The following COL24A1 variants were observed in gnomAD, a reference collection of about 807,000 sequenced individuals.
The protein encoded by COL24A1 is collagen alpha-1(XXIV) chain.
COL24A1 carries 224 observed loss-of-function variants against 253.9 expected under a neutral mutation model. The ratio of observed to expected loss-of-function variants is 0.88; its 90% CI spans 0.79 to 0.99. The LOEUF is 0.99. Ranked by LOEUF, COL24A1 falls within the 50% of genes least tolerant of loss-of-function variation. COL24A1 has a pLI of 0.00. For missense variants in COL24A1, 2,131 were observed against 2,068.5 expected (o/e 1.03, Z -0.59); for synonymous variants, 685 against 673.7 (o/e 1.02, Z -0.26).
chr1:85,767,191 A>T lies in COL24A1; in HGVS notation c.4375-5625T>A, dbSNP rs528853272. ...GATTCTGATCTTTGTGCAAAGACTT[A>T]AGTCTCTTACTTGTCTCAATACAAT... On this transcript the variant is annotated intron_variant, in intron 53 of 59. Transcript: ENST00000370571. Among the ~76,000 whole-genome samples, 4 of 152,196 alleles carry T rather than the reference A, an allele frequency of 2.6e-5. No individual in the cohort carries two copies. The South Asian group carries it at 8.3e-4, about 32-fold the overall frequency.
intron 24 of COL24A1, among the ~76,000 whole-genome samples, chr1:85,946,018 C>A (rs998780193): frequency 4.6e-5 from 7 of 152,138 alleles, no homozygotes; most frequent in South Asian, 4.1e-4. Context: ...CAGTTCCCAG[C>A]ATTTCCAAAA....
At chr1:85,782,595 G>A (rs1669250747) in intron 51 of COL24A1, among the ~76,000 whole-genome samples, 1 of 152,144 alleles carries the variant, frequency 6.6e-6, no homozygotes, top group African/African-American at 2.4e-5. Context: ...CTATTGCAAG[G>A]ACAAAAAACC....
In COL24A1 at chr1:85,922,360, C is replaced by A. The variant is rs948210672; in HGVS notation, c.2563-10927G>T. On this transcript the variant is annotated intron_variant, in intron 24 of 59. Transcript: ENST00000370571. ...TTGAGAAGAGCAACTCCAAGACACA[C>A]AATTGTCAGATTCACCAAGGTTGAA... Among the ~76,000 whole-genome samples, 4 of 152,152 alleles carry A rather than the reference C, an allele frequency of 2.6e-5. No homozygotes were observed. The East Asian group carries it at 7.7e-4, about 29-fold the overall frequency.
In COL24A1 at chr1:86,022,970, C is replaced by T. The variant is rs754586760; in HGVS notation, c.2087G>A (p.Gly696Glu). ...VGPVGPIGPA[G>E]IPGPMGLSGN... ...GAACCATACCATTGGGCCAGGAATT[C>T]CAGCAGGTCCAATTGGTCCCACAGG... The change falls in exon 15 of 60, where the codon GGA becomes GAA. Residue 696 changes from glycine to glutamate, a missense_variant. Transcript: ENST00000370571. The T allele has an allele frequency of 6.2e-7, 1 of 1,613,168 alleles. No homozygotes were observed. Among genetic ancestry groups the T allele is most frequent in the East Asian group, 2.2e-5 (1 of 44,792 alleles).
chr1:86,065,757 A>T (rs1316528050), intron 7 of COL24A1, among the ~76,000 whole-genome samples: 1 of 43,858 alleles, frequency 2.3e-5, no homozygotes, highest in Non-Finnish European at 3.6e-5. Context: ...AGCAACCTCT[A>T]AAAAAAAAAA....
At position 85,737,410 on chromosome 1, in the gene COL24A1, CAGG is replaced by C; in HGVS notation, c.4765_4767del (p.Pro1589del). ...CAGTAACATACCTTTGTTACAGAAA[CAGG>C]AGGTAAGCATGTCTGGCCACCAGCA... On this transcript the variant is annotated inframe_deletion, in exon 58 of 60. Transcript: ENST00000370571. The C allele has an allele frequency of 6.2e-7, 1 of 1,610,794 alleles. No homozygotes were observed. Among genetic ancestry groups the C allele is most frequent in the Non-Finnish European group, 8.5e-7 (1 of 1,177,848 alleles).
intron 47 of COL24A1, among the ~76,000 whole-genome samples, chr1:85,815,316 ATGGAAGCCCAG>A (rs532618211): frequency 2.8e-4 from 42 of 152,352 alleles, no homozygotes; most frequent in African/African-American, 8.4e-4. Flanking sequence ...TAGCATGAAG[ATGGAAGCCCAG>A]TGCATGAGCT....
chr1:85,977,461 T>G lies in COL24A1; in HGVS notation c.2365-6068A>C, dbSNP rs139030781. On this transcript the variant is annotated intron_variant, in intron 20 of 59. Transcript: ENST00000370571. ...AAGGTGAAAACCAACTTAAAGAAAT[T>G]TAAAAAAACAAACAATACAGGCTAT... Among the ~76,000 whole-genome samples, 7 of 151,790 alleles carry G rather than the reference T, an allele frequency of 4.6e-5. 1 individual carries two copies. The highest frequency in any genetic ancestry group is 1.7e-4 in the African/African-American group (7 of 41,378).
intron 43 of COL24A1, among the ~76,000 whole-genome samples, chr1:85,825,733 T>G (rs1027658003): frequency 4.2e-5 from 6 of 142,660 alleles, no homozygotes; most frequent in African/African-American, 1.6e-4. Context: ...TTTTGAGAAG[T>G]GTCTGTTCAT....
chr1:86,046,721 A>G (rs1003777762), intron 12 of COL24A1, 104 bp downstream of exon 12: 1 of 1,344,836 alleles, frequency 7.4e-7, no homozygotes, highest in Non-Finnish European at 1.0e-6. Context: ...ATGATTATAA[A>G]CAACAACAAA....
At chr1:86,038,344 C>T (rs1019186504) in intron 12 of COL24A1, among the ~76,000 whole-genome samples, 1 of 152,106 alleles carries the variant, frequency 6.6e-6, no homozygotes, top group Non-Finnish European at 1.5e-5. Context: ...ATTAATTTCT[C>T]TTTCCTTTTA....
At chr1:85,906,330 G>C (rs183858539) in intron 28 of COL24A1, among the ~76,000 whole-genome samples, 86 of 119,512 alleles carry the variant, frequency 7.2e-4, no homozygotes, top group African/African-American at 2.7e-3. Context: ...TTCTTCATAA[G>C]CTCTAAAACT....
intron 28 of COL24A1, among the ~76,000 whole-genome samples, chr1:85,902,401 G>A (rs143252419): frequency 1.3e-5 from 2 of 152,276 alleles, no homozygotes; most frequent in Admixed American, 6.5e-5. Context: ...ATATCTCTTA[G>A]TGACTTCCCT....
chr1:85,964,883 T>C (rs1478433577), intron 23 of COL24A1, 126 bp downstream of exon 23: 1 of 738,538 alleles, frequency 1.4e-6, no homozygotes, highest in Admixed American at 2.7e-5. Flanking sequence ...TTGCTCTTTG[T>C]AACAGTTTTA....
chr1:86,068,876 A>G (rs1416785105), intron 7 of COL24A1, among the ~76,000 whole-genome samples: 2 of 152,102 alleles, frequency 1.3e-5, no homozygotes, highest in East Asian at 3.9e-4. Flanking sequence ...CTCTGGGTCA[A>G]AAGGGAACTT....
intron 7 of COL24A1, among the ~76,000 whole-genome samples, chr1:86,083,079 T>C (rs1041558735): frequency 1.3e-5 from 2 of 151,984 alleles, no homozygotes; most frequent in Admixed American, 6.6e-5. Context: ...GGGCGAATCA[T>C]GAGGTCAGGA....
intron 39 of COL24A1, among the ~76,000 whole-genome samples, chr1:85,846,740 T>A (rs1677181747): frequency 6.6e-6 from 1 of 151,972 alleles, no homozygotes; most frequent in Non-Finnish European, 1.5e-5. Flanking sequence ...GGAAGGTAGG[T>A]TGGGAACGTG....
rs542446123 is a variant in COL24A1 at position 85,812,010 on chromosome 1, C to T, written c.3951+4778G>A. On this transcript the variant is annotated intron_variant, in intron 47 of 59. Coordinates refer to ENST00000370571, the MANE Select transcript of COL24A1 (RefSeq NM_152890.7). ...ATTTTGGAGACAGGCCATGCCCTCT[C>T]TGTCAAATGCAATTTACCATTTGGA... 1.2e-4 allele frequency among the ~76,000 whole-genome samples: 19 copies of T among 152,302 alleles called. No homozygotes were observed. In the South Asian group the frequency reaches 3.3e-3, roughly 27 times the overall value.
Position 86,057,914 on chromosome 1 carries a change from T to C in COL24A1, c.1851+17A>G. The C allele has an allele frequency of 6.2e-7, 1 of 1,610,766 alleles. No individual in the cohort carries two copies. The highest frequency in any genetic ancestry group is 8.5e-7 in the Non-Finnish European group (1 of 1,178,120). On this transcript the variant is annotated intron_variant, in intron 10 of 59. Transcript: ENST00000370571. ...TAGGCAAGCATGCTTAACAGAATGA[T>C]GGAAATGCCTACTTACTTGTGCACC...
Sources: allele counts gnomAD v4.1 joint callset (sites outside exome capture counted in the v4.1 genomes callset), GRCh38; gene constraint gnomAD v4.1.1; transcripts MANE v1.5; gene names NCBI Gene and HGNC (gene_info 2026-07-23, HGNC 2026-07-21).